Variants in TASOR2 observed in about 807,000 individuals in gnomAD.
TASOR2 encodes the protein protein TASOR 2.
Under a neutral mutation model 199.5 loss-of-function variants are expected in TASOR2, and 84 were observed. That is an observed-to-expected ratio of 0.42 (90% confidence interval 0.35 to 0.50). The LOEUF (loss-of-function observed/expected upper bound fraction) is 0.50. TASOR2 is among the 20% of genes least tolerant of loss of function. The pLI is 0.02. For synonymous variants in TASOR2, 1,103 were observed against 1,046.6 expected, an observed-to-expected ratio of 1.05 and a Z score of -1.04; for missense variants, 2,796 against 2,835.9, an observed-to-expected ratio of 0.99 and a Z score of 0.32.
intron 3 of TASOR2, among the ~76,000 whole-genome samples, chr10:5,718,465 A>G (rs1170665527): frequency 6.6e-6 from 1 of 150,914 alleles, no homozygotes; most frequent in Non-Finnish European, 1.5e-5. Context: ...GCGGAGGGAG[A>G]GGCCAGGCTC....
At chr10:5,731,290 G>T in intron 11 of TASOR2, 87 bp downstream of exon 12, 1 of 1,272,776 alleles carries the variant, frequency 7.9e-7, no homozygotes, top group East Asian at 2.3e-5. Context: ...AGCACTTTGG[G>T]AAACCAAGTG....
At position 5,717,021 on chromosome 10, in the gene TASOR2, A is replaced by G. The variant is rs558183769; in HGVS notation, c.-191-638A>G. Among the ~76,000 whole-genome samples the G allele has an allele frequency of 3.7e-4, 27 of 72,458 alleles. No individual in the cohort carries two copies. The Admixed American group carries it at 5.2e-3, about 14-fold the overall frequency. The allele number at this position is 72,458 out of a possible 152,430, so 47.5% of individuals were successfully genotyped here. ...AAATTACAAATAACCACTGCAGCTTACATCTCAAAAAAAAAAAAAAAAAAG... is the reference window on the plus strand; with the variant it reads ...AAATTACAAATAACCACTGCAGCTTGCATCTCAAAAAAAAAAAAAAAAAAG... On this transcript the variant is annotated intron_variant, in intron 2 of 20. Transcript: ENST00000328090.
At position 5,735,486 on chromosome 10, in the gene TASOR2, CAG is replaced by C. The variant is rs1835443717; in HGVS notation, c.1392_1393del (p.Arg464SerfsTer8). On this transcript the variant is annotated frameshift_variant, in exon 12 of 21. Transcript: ENST00000328090. LOFTEE classifies it high-confidence loss of function. ...ACCTGTGAAGAAATCTCCACAAAAA[CAG>C]AGAGTAAATATAGTAAAAGGCAATG... The C allele has an allele frequency of 6.2e-7, 1 of 1,614,066 alleles. No individual in the cohort carries two copies. The highest frequency in any genetic ancestry group is 8.5e-7 in the Non-Finnish European group (1 of 1,179,998).
intron 1 of TASOR2, among the ~76,000 whole-genome samples, chr10:5,700,047 C>A (rs1326487594): frequency 1.3e-5 from 2 of 152,088 alleles, no homozygotes; most frequent in African/African-American, 4.8e-5. Flanking sequence ...TTCTATCAAA[C>A]CATATATTTA....
At chr10:5,753,383 G>A (rs1838344441) in intron 15 of TASOR2, among the ~76,000 whole-genome samples, 1 of 152,092 alleles carries the variant, frequency 6.6e-6, no homozygotes, top group African/African-American at 2.4e-5. Flanking sequence ...TGTTTTTTGA[G>A]ACAGAGTCTC....
intron 1 of TASOR2, among the ~76,000 whole-genome samples, chr10:5,708,539 T>C (rs897949691): frequency 2.0e-5 from 3 of 149,706 alleles, no homozygotes; most frequent in Non-Finnish European, 2.9e-5. Flanking sequence ...TTCTTTCCTT[T>C]CTTTCTCTTT....
intron 10 of TASOR2, among the ~76,000 whole-genome samples, chr10:5,729,813 C>T (rs1212532675): frequency 6.6e-6 from 1 of 151,896 alleles, no homozygotes; most frequent in Non-Finnish European, 1.5e-5. Context: ...GGGACCAGAC[C>T]TTTTCTCTTT....
At chr10:5,711,693 A>G (rs1174681541) in intron 1 of TASOR2, among the ~76,000 whole-genome samples, 1 of 152,118 alleles carries the variant, frequency 6.6e-6, no homozygotes, top group African/African-American at 2.4e-5. Context: ...CGTGCCTCTC[A>G]TGGGAAGGGT....
rs1834437042 is a variant in TASOR2 at position 5,729,019 on chromosome 10, T to C, written c.488-1468T>C. Reference sequence around the variant, plus strand: ...ATTCTCACATAAATATGATATGAACTTGCTAACTTTTTGCCTATATTTGTA... The same window carrying C: ...ATTCTCACATAAATATGATATGAACCTGCTAACTTTTTGCCTATATTTGTA... On this transcript the variant is annotated intron_variant, in intron 10 of 20. Coordinates refer to ENST00000328090, the Ensembl canonical transcript of TASOR2. 2.0e-5 allele frequency among the ~76,000 whole-genome samples: 3 copies of C among 152,306 alleles called. No homozygotes were observed. In the South Asian group the frequency reaches 6.2e-4, roughly 32 times the overall value.
intron 1 of TASOR2, among the ~76,000 whole-genome samples, chr10:5,702,401 C>T (rs776029618): frequency 2.1e-4 from 32 of 152,028 alleles, no homozygotes; most frequent in Non-Finnish European, 3.8e-4. Flanking sequence ...TGATATTGGC[C>T]TGTAGTTTTC....
intron 8 of TASOR2, among the ~76,000 whole-genome samples, chr10:5,726,515 T>C (rs556188172): frequency 2.2e-4 from 33 of 152,356 alleles, no homozygotes; most frequent in East Asian, 1.9e-4. Context: ...ATGCTACTTA[T>C]AGGTTTGATT....
chr10:5,725,432 C>CA (rs1262728542), intron 8 of TASOR2, among the ~76,000 whole-genome samples: 1 of 137,658 alleles, frequency 7.3e-6, no homozygotes, highest in African/African-American at 2.7e-5. Flanking sequence ...GATTGATTCA[C>CA]ATACTGGGCA....
intron 6 of TASOR2, 33 bp downstream of exon 7, chr10:5,721,003 C>A: frequency 6.5e-7 from 1 of 1,530,432 alleles, no homozygotes; most frequent in Non-Finnish European, 8.9e-7. Flanking sequence ...TTTACTAATG[C>A]TTATATTACA....
chr10:5,730,773 T>C lies in TASOR2; in HGVS notation c.774T>C (p.Thr258=). ...AAAAGTGCCCTTCAGAGTCTTTAAC[T>C]CAGTTGAACTCTTATTTTTCAGACC... The change falls in exon 11 of 21, where the codon ACT becomes ACC. Residue 258 remains threonine (T), a synonymous_variant. Coordinates refer to ENST00000328090, the Ensembl canonical transcript of TASOR2. This position sits in a 1 kb window ranked among gnomAD's most constrained non-coding sequence, Gnocchi z 4.1. 6.2e-7 allele frequency: 1 copy of C among 1,614,204 alleles called. No individual in the cohort carries two copies. Among genetic ancestry groups the C allele is most frequent in the Non-Finnish European group, 8.5e-7 (1 of 1,180,032 alleles).
At chr10:5,712,409 C>A (rs915165608) in intron 1 of TASOR2, 1 of 1,231,582 alleles carries the variant, frequency 8.1e-7, no homozygotes, top group Admixed American at 4.2e-5. Context: ...GAGACAGTGT[C>A]CTTGAGTTCA....
intron 18 of TASOR2, among the ~76,000 whole-genome samples, chr10:5,759,213 C>T (rs1422252823): frequency 2.0e-5 from 3 of 152,170 alleles, no homozygotes; most frequent in Non-Finnish European, 4.4e-5. Flanking sequence ...GTAAGGGAGT[C>T]AAACTTAGCA....
intron 3 of TASOR2, among the ~76,000 whole-genome samples, chr10:5,718,981 T>C (rs1833012660): frequency 6.6e-6 from 1 of 152,304 alleles, no homozygotes; most frequent in Middle Eastern, 3.4e-3. Context: ...GTGCTCTCAA[T>C]CTTCATTTTA....
Position 5,690,436 on chromosome 10 carries a change from T to C in TASOR2, c.-288+5261T>C, listed in dbSNP as rs1836294323. 6.6e-6 allele frequency among the ~76,000 whole-genome samples: 1 copy of C among 152,194 alleles called. No homozygotes were observed. The highest frequency in any genetic ancestry group is 1.9e-4 in the East Asian group (1 of 5,202). On this transcript the variant is annotated intron_variant, in intron 1 of 20. Transcript: ENST00000328090. This position sits in a 1 kb window ranked among gnomAD's most constrained non-coding sequence, Gnocchi z 4.8. ...GCTCCCTCATTAGGAGAAGGAATAT[T>C]CAAGATCCCAATGCCTGAGGTTTGT...
rs1308592591 is a variant in TASOR2 at position 5,697,608 on chromosome 10, C to CT, written c.-288+12434dup. On this transcript the variant is annotated intron_variant, in intron 1 of 20. Transcript: ENST00000328090. ...ACCTTGGAAAGCAAGGGTTGTGTCT[C>CT]TAAGAGGCAAGCAGAGCTGGCAATA... Among the ~76,000 whole-genome samples the CT allele has an allele frequency of 3.3e-5, 5 of 152,184 alleles. No homozygotes were observed. The South Asian group carries it at 8.3e-4, about 25-fold the overall frequency.
Sources: gnomAD v4.1 joint callset for allele counts (sites outside exome capture counted in the v4.1 genomes callset) on GRCh38, gnomAD v4.1.1 for gene constraint, Gnocchi (gnomAD v3.1) non-coding constraint, MANE v1.5 for transcripts, NCBI Gene and HGNC (gene_info 2026-07-23, HGNC 2026-07-21) for gene names.